Variants in UGT1A4 observed in about 807,000 individuals in gnomAD.
UGT1A4 encodes the protein UDP glucuronosyltransferase family 1 member A4, also known as UDP-glucuronosyltransferase 1A4.
UGT1A4 carries 32 observed loss-of-function variants against 41.1 expected under a neutral mutation model. The observed-to-expected ratio is 0.78, with a 90% CI of 0.59 to 1.05. The LOEUF (loss-of-function observed/expected upper bound fraction) is 1.05. Ranked by LOEUF, UGT1A4 falls within the 50% of genes least tolerant of loss-of-function variation. The pLI is 0.00. For synonymous variants in UGT1A4, 283 were observed against 265.1 expected (o/e 1.07, Z -0.66); for missense variants, 748 against 677.4 (o/e 1.10, Z -1.16).
intron 1 of UGT1A4, chr2:233,729,534 C>A: frequency 6.2e-7 from 1 of 1,614,090 alleles, no homozygotes; most frequent in Non-Finnish European, 8.5e-7. Flanking sequence ...ATAATGAGGC[C>A]CTGATCAGGC....
intron 1 of UGT1A4, among the ~76,000 whole-genome samples, chr2:233,720,489 G>C (rs2076863556): frequency 6.6e-6 from 1 of 152,082 alleles, no homozygotes; most frequent in Non-Finnish European, 1.5e-5. Flanking sequence ...TGTCCAAGAA[G>C]GGAAGTGTTT....
chr2:233,747,552 A>T, intron 1 of UGT1A4: 1 of 1,601,266 alleles, frequency 6.2e-7, no homozygotes, highest in Middle Eastern at 1.7e-4. Flanking sequence ...TTCTAAAAGT[A>T]TGGCAATTTT....
chr2:233,738,648 G>A (rs1199292214), intron 1 of UGT1A4, among the ~76,000 whole-genome samples: 1 of 152,164 alleles, frequency 6.6e-6, no homozygotes, highest in African/African-American at 2.4e-5. Flanking sequence ...AGAGCTCTTT[G>A]GAACTACGAA....
chr2:233,729,673 A>G (rs1282991761), intron 1 of UGT1A4: 1 of 1,613,898 alleles, frequency 6.2e-7, no homozygotes, highest in South Asian at 1.1e-5. Flanking sequence ...TTTAGACTTT[A>G]AGGGCACACA....
chr2:233,755,081 A>G (rs749990272), intron 1 of UGT1A4: 10 of 1,336,302 alleles, frequency 7.5e-6, no homozygotes, highest in Non-Finnish European at 6.0e-6. Flanking sequence ...GGTCATAGAT[A>G]TCGCGTTTCT....
Position 233,730,003 on chromosome 2 carries a change from G to C in UGT1A4, c.867+10316G>C, listed in dbSNP as rs2077967778. The C allele has an allele frequency of 2.5e-6, 4 of 1,613,818 alleles. No individual in the cohort carries two copies. The South Asian group carries it at 3.3e-5, about 13-fold the overall frequency. On this transcript the variant is annotated intron_variant, in intron 1 of 4. Coordinates refer to ENST00000373409, the MANE Select transcript of UGT1A4 (RefSeq NM_007120.3). ...GAAGCCACTATCTCAGGTCTGTATT[G>C]GTGCCTTCATCCAATCAATGTTCCA... is the stretch of plus-strand genomic sequence containing the variant.
chr2:233,770,905 C>G (rs1053326631), intron 4 of UGT1A4: 4 of 152,124 alleles, frequency 2.6e-5, no homozygotes, highest in Non-Finnish European at 5.9e-5. Context: ...GCAGGCTGTA[C>G]AGGAAGCTTA....
At chr2:233,725,138 T>G (rs1450596211) in intron 1 of UGT1A4, among the ~76,000 whole-genome samples, 3 of 132,684 alleles carry the variant, frequency 2.3e-5, no homozygotes, top group Middle Eastern at 3.7e-3. Flanking sequence ...ATGGCAGCAG[T>G]ACAGTCCAGC....
intron 1 of UGT1A4, among the ~76,000 whole-genome samples, chr2:233,751,879 G>A (rs1331680632): frequency 6.6e-6 from 1 of 152,148 alleles, no homozygotes; most frequent in Non-Finnish European, 1.5e-5. Context: ...CCCGTCTTGG[G>A]TATGTCTTTA....
At chr2:233,772,225 G>A in intron 4 of UGT1A4, 37 bp from the exon 5 acceptor site, 2 of 1,613,382 alleles carry the variant, frequency 1.2e-6, no homozygotes, top group Non-Finnish European at 1.7e-6. Flanking sequence ...TCATACCACA[G>A]GTGTTCCAGG....
chr2:233,744,372 A>C (rs181518181), intron 1 of UGT1A4, among the ~76,000 whole-genome samples: 3 of 151,890 alleles, frequency 2.0e-5, no homozygotes. Flanking sequence ...TTAGGACTGC[A>C]GTTCTCCAAC....
intron 1 of UGT1A4, chr2:233,730,054 A>T (rs2077976978): frequency 1.2e-6 from 2 of 1,611,936 alleles, no homozygotes; most frequent in East Asian, 4.5e-5. Context: ...AAAAAAATGT[A>T]TTTATTTAAA....
chr2:233,728,187 T>G (rs1430038112), intron 1 of UGT1A4, among the ~76,000 whole-genome samples: 5 of 152,222 alleles, frequency 3.3e-5, no homozygotes, highest in Non-Finnish European at 7.3e-5. Flanking sequence ...TATCAGAACT[T>G]GGTGCTGGAT....
chr2:233,772,112 C>A, intron 4 of UGT1A4, 150 bp from the exon 5 acceptor site: 1 of 1,527,992 alleles, frequency 6.5e-7, no homozygotes, highest in South Asian at 1.2e-5. Context: ...GACTCTGTAT[C>A]TAAAAACAAC....
rs1201935304 is a variant in UGT1A4 at position 233,769,504 on chromosome 2, G to T, written c.1307+1065G>T. ...GCGTGTGTTTATGAGAGTGTCCATT[G>T]CTTTCTCCCATGGTTACCTCCTTTA... On this transcript the variant is annotated intron_variant, in intron 4 of 4. Transcript: ENST00000373409. This position sits in a 1 kb window ranked among gnomAD's most constrained non-coding sequence, Gnocchi z 4.4. The T allele has an allele frequency of 1.2e-6, 2 of 1,612,732 alleles. No homozygotes were observed. The highest frequency in any genetic ancestry group is 1.7e-4 in the Middle Eastern group (1 of 6,058).
At chr2:233,747,128 C>G (rs1346138562) in intron 1 of UGT1A4, 1 of 1,515,314 alleles carries the variant, frequency 6.6e-7, no homozygotes, top group Non-Finnish European at 8.9e-7. Context: ...CTAAGTGGCT[C>G]AGTGACAAGG....
At chr2:233,743,391 G>C in intron 1 of UGT1A4, 1 of 1,255,182 alleles carries the variant, frequency 8.0e-7, no homozygotes, top group Non-Finnish European at 1.1e-6. Context: ...AGGACATGCA[G>C]AAGGAAGAAA....
rs1696611113 is a variant in UGT1A4 at position 233,757,545 on chromosome 2, T to TATAC, written c.868-9486_868-9485insCATA. 2.9e-4 allele frequency among the ~76,000 whole-genome samples: 19 copies of TATAC among 65,910 alleles called. 1 individual carries two copies. The highest frequency in any genetic ancestry group is 6.3e-4 in the African/African-American group (10 of 15,854). The allele number at this position is 65,910 out of a possible 152,430, so 43.2% of individuals were successfully genotyped here. On this transcript the variant is annotated intron_variant, in intron 1 of 4. Coordinates refer to ENST00000373409, the MANE Select transcript of UGT1A4 (RefSeq NM_007120.3). ...ATCTTGCCTGTAAGGAATATATATA[T>TATAC]ATATATATATATATATGTATATATG...
At chr2:233,724,172 A>G (rs2077183283) in intron 1 of UGT1A4, among the ~76,000 whole-genome samples, 1 of 105,510 alleles carries the variant, frequency 9.5e-6, no homozygotes. Flanking sequence ...TGACCCCCCC[A>G]TCTCCCTCCC....
Sources: allele counts gnomAD v4.1 joint callset (sites outside exome capture counted in the v4.1 genomes callset), GRCh38; gene constraint gnomAD v4.1.1; non-coding constraint Gnocchi (gnomAD v3.1); transcripts MANE v1.5; gene names NCBI Gene and HGNC (gene_info 2026-07-23, HGNC 2026-07-21).